The following NAALADL1 variants were observed in gnomAD, a reference collection of about 807,000 sequenced individuals.
The protein encoded by NAALADL1 is aminopeptidase NAALADL1.
Under a neutral mutation model 82.8 loss-of-function variants are expected in NAALADL1, and 77 were observed. The observed-to-expected ratio is 0.93, with a 90% CI of 0.77 to 1.12. The LOEUF is 1.12. Ranked by LOEUF, NAALADL1 falls within the 50% of genes most tolerant of loss-of-function variation. NAALADL1 has a pLI of 0.00. For synonymous variants in NAALADL1, 358 were observed against 399.2 expected, an observed-to-expected ratio of 0.90 and a Z score of 1.23; for missense variants, 956 against 964.0, an observed-to-expected ratio of 0.99 and a Z score of 0.11.
Position 65,054,292 on chromosome 11 carries a change from A to G in NAALADL1, c.950T>C (p.Leu317Ser). The change falls in exon 6 of 18, where the codon TTG becomes TCG. Residue 317 changes from leucine (L) to serine (S), a missense_variant. Leu to Ser is a moderately radical substitution (Grantham distance 145). Coordinates refer to ENST00000358658, the MANE Select transcript of NAALADL1 (RefSeq NM_005468.3). The surrounding 1 kb of genome is among the most constrained non-coding windows in gnomAD (Gnocchi z 4.3). ...TCCGTCAGGCCGGAAGCCGGGACCC[A>G]ACCTGTAGTGGCAGCCCAGTGCTCC... The part of the protein sequence containing the change: ...WQGALGCHYR[L>S]GPGFRPDGDF... 6.2e-7 allele frequency: 1 copy of G among 1,614,136 alleles called. No individual in the cohort carries two copies. Among genetic ancestry groups the G allele is most frequent in the Non-Finnish European group, 8.5e-7 (1 of 1,180,018 alleles).
chr11:65,051,315 C>CTTTTTTTTTTTTTTT lies in NAALADL1; in HGVS notation c.1198+1888_1198+1902dup, dbSNP rs10535126. 1.0e-4 allele frequency among the ~76,000 whole-genome samples: 6 copies of CTTTTTTTTTTTTTTT among 59,508 alleles called. 1 individual carries two copies. Among genetic ancestry groups the CTTTTTTTTTTTTTTT allele is most frequent in the African/African-American group, 3.9e-4 (6 of 15,546 alleles). The allele number at this position is 59,508 out of a possible 152,430, so 39.0% of individuals were successfully genotyped here. On this transcript the variant is annotated intron_variant, in intron 8 of 17. Transcript: ENST00000358658. ...AAGTCTCTCTCTCCTTTCTTTCTTT[C>CTTTTTTTTTTTTTTT]TTTTTTTTTTTTTTTTTTTTTTTTT...
At chr11:65,052,042 A>G (rs1301804579) in intron 8 of NAALADL1, among the ~76,000 whole-genome samples, 1 of 152,158 alleles carries the variant, frequency 6.6e-6, no homozygotes, top group Non-Finnish European at 1.5e-5. Context: ...AAACTAAAAC[A>G]AGAAATTAAT....
At position 65,045,826 on chromosome 11, in the gene NAALADL1, A is replaced by C. The variant is rs765261404; in HGVS notation, c.2032T>G (p.Tyr678Asp). The change falls in exon 17 of 18, where the codon TAC (tyrosine) becomes GAC (aspartate). Residue 678 changes from tyrosine to aspartate, a missense_variant. Tyr to Asp is a radical substitution (Grantham distance 160). Transcript: ENST00000358658. The stretch of plus-strand genomic sequence containing the variant: ...AGGACTCTGGGACAGACTCACCTGT[A>C]GTAGCGTTCCTCTGGGAAGGCTCTA... ...NPRAFPEERYYSHVLWAPRTG... is the reference protein window; with the variant it reads ...NPRAFPEERYDSHVLWAPRTG... 21 of 1,613,850 alleles carry C rather than the reference A, an allele frequency of 1.3e-5. No homozygotes were observed. Among genetic ancestry groups the C allele is most frequent in the Non-Finnish European group, 1.7e-5 (20 of 1,179,844 alleles).
Position 65,046,243 on chromosome 11 carries a change from G to A in NAALADL1, c.1801C>T (p.Gln601Ter). The A allele has an allele frequency of 6.2e-7, 1 of 1,614,120 alleles. No homozygotes were observed. Among genetic ancestry groups the A allele is most frequent in the Non-Finnish European group, 8.5e-7 (1 of 1,180,044 alleles). ...GCCCCAAGATCTTGCTGGGCTGCCT[G>A]CAGGAAGCTGCGGAGTGTCTCACTG... ...DYSETLRSFL[Q>*]AAQQDLGALL... The change falls in exon 15 of 18, where the codon CAG (glutamine) becomes TAG (stop). Residue 601 changes from glutamine (Q) to a stop codon, truncating the protein, a stop_gained. Transcript: ENST00000358658. LOFTEE classifies it high-confidence loss of function.
At chr11:65,045,487 T>C in intron 17 of NAALADL1, 30 bp from the exon 18 acceptor site, 1 of 1,566,416 alleles carries the variant, frequency 6.4e-7, no homozygotes, top group Non-Finnish European at 8.7e-7. Context: ...AGGATCAGGG[T>C]CAGTCAGTCA....
rs777899499 is a variant in NAALADL1, at chr11:65,046,199, G to C, written c.1845C>G (p.Ser615Arg). The change falls in exon 15 of 18, where the codon AGC becomes AGG. Residue 615 changes from serine (S) to arginine (R), a missense_variant. Ser to Arg is a moderately radical substitution (Grantham distance 110, BLOSUM62 -1). Transcript: ENST00000358658. ...CAGGGCTGTGCATACCCAGGCTGAT[G>C]CTGTGCTGCTCCAGCAGGGCCCCAA... ...QDLGALLEQH[S>R]ISLGPLVTAV... 5.6e-6 allele frequency: 9 copies of C among 1,614,014 alleles called. No homozygotes were observed. Among genetic ancestry groups the C allele is most frequent in the African/African-American group, 1.3e-5 (1 of 74,950 alleles).
intron 8 of NAALADL1, among the ~76,000 whole-genome samples, chr11:65,051,315 C>CTT (rs10535126): frequency 5.7e-4 from 34 of 59,568 alleles, no homozygotes; most frequent in African/African-American, 1.9e-3. Context: ...TTCTTTCTTT[C>CTT]TTTTTTTTTT....
chr11:65,048,961 G>A (rs1946815187), intron 8 of NAALADL1, among the ~76,000 whole-genome samples: 1 of 152,140 alleles, frequency 6.6e-6, no homozygotes, highest in Admixed American at 6.5e-5. Flanking sequence ...TGCCTCCCGG[G>A]TTCAGGCAGG....
rs1338049328 is a variant in NAALADL1, at chr11:65,053,660, TG to T, written c.993-85del. The T allele has an allele frequency of 7.9e-7, 1 of 1,263,664 alleles. No individual in the cohort carries two copies. The highest frequency in any genetic ancestry group is 1.5e-5 in the African/African-American group (1 of 66,260). The allele number at this position is 1,263,664 out of a possible 1,614,324, so 78.3% of individuals were successfully genotyped here. On this transcript the variant is annotated intron_variant, in intron 6 of 17. Transcript: ENST00000358658. This position sits in a 1 kb window ranked among gnomAD's most constrained non-coding sequence, Gnocchi z 4.3. ...TGCAGGAGACACTGAGGCCCGGAGCTGGAAAGTGACGTGGCAAGGCCATTCA... is the reference window on the plus strand; with the variant it reads ...TGCAGGAGACACTGAGGCCCGGAGCTGAAAGTGACGTGGCAAGGCCATTCA...
In NAALADL1 at chr11:65,046,003, C is replaced by T. The variant is rs189853858; in HGVS notation, c.1943+24G>A. 2.5e-5 allele frequency: 40 copies of T among 1,612,354 alleles called. No individual in the cohort carries two copies. The East Asian group carries it at 8.5e-4, about 34-fold the overall frequency. The stretch of plus-strand genomic sequence containing the variant: ...CCTGCCCTGGGTGCTGCCCTCCCAG[C>T]CCCTGCCCGCTGCCCTTGCTCACTC... On this transcript the variant is annotated intron_variant, in intron 16 of 17. Transcript: ENST00000358658.
Position 65,045,864 on chromosome 11 carries a change from G to T in NAALADL1, c.1994C>A (p.Thr665Asn), listed in dbSNP as rs971022864. The T allele has an allele frequency of 1.1e-5, 17 of 1,614,134 alleles. No individual in the cohort carries two copies. Among genetic ancestry groups the T allele is most frequent in the Middle Eastern group, 1.7e-4 (1 of 6,046 alleles). The change falls in exon 17 of 18, where the codon ACC becomes AAC. Residue 665 changes from threonine (T) to asparagine (N), a missense_variant. Transcript: ENST00000358658. ...LNDQLMLLER[T>N]FLNPRAFPEE... ...TGGGAAGGCTCTAGGGTTCAGAAAGGTCCGTTCCAAGAGCATCAACTGGTC... is the reference window on the plus strand; with the variant it reads ...TGGGAAGGCTCTAGGGTTCAGAAAGTTCCGTTCCAAGAGCATCAACTGGTC...
chr11:65,046,905 T>A (rs1946744925), intron 13 of NAALADL1, among the ~76,000 whole-genome samples: 1 of 152,176 alleles, frequency 6.6e-6, no homozygotes, highest in East Asian at 1.9e-4. Flanking sequence ...ACCCCTTGTC[T>A]TGTTTTTACC....
intron 8 of NAALADL1, among the ~76,000 whole-genome samples, chr11:65,052,981 G>A (rs565829958): frequency 1.4e-4 from 22 of 152,362 alleles, no homozygotes; most frequent in South Asian, 1.0e-3. Context: ...CAGCAGCATC[G>A]GGCCTTGCTC....
intron 3 of NAALADL1, 34 bp downstream of exon 3, chr11:65,057,841 T>TG (rs1427827037): frequency 1.2e-6 from 2 of 1,610,910 alleles, no homozygotes; most frequent in Non-Finnish European, 1.7e-6. Context: ...CCAAGGGAGC[T>TG]GGGCCAGAGC....
chr11:65,055,581 T>C (rs1947015189), intron 4 of NAALADL1, among the ~76,000 whole-genome samples: 1 of 152,174 alleles, frequency 6.6e-6, no homozygotes, highest in African/African-American at 2.4e-5. Flanking sequence ...TATCTTATAC[T>C]TTCACTTATG....
chr11:65,049,231 G>A (rs1215478853), intron 8 of NAALADL1, among the ~76,000 whole-genome samples: 1 of 152,142 alleles, frequency 6.6e-6, no homozygotes, highest in Admixed American at 6.5e-5. Flanking sequence ...ATGTTGCCCA[G>A]GCCAGTCTTG....
chr11:65,053,299 C>G lies in NAALADL1; in HGVS notation c.1117G>C (p.Val373Leu), dbSNP rs1476597226. Residue 373 changes from valine to leucine, a missense_variant, in exon 8 of 18, where the codon GTG becomes CTG. Transcript: ENST00000358658. This position sits in a 1 kb window ranked among gnomAD's most constrained non-coding sequence, Gnocchi z 4.3. ...VLYGNHRDSW[V>L]HGAVDPSSGT... ...CTGCTGGGGTCCACAGCCCCGTGCA[C>G]CCAGCTGTCTCGGTGGTTCCCATAC... 9 of 1,561,068 alleles carry G rather than the reference C, an allele frequency of 5.8e-6. 1 individual carries two copies. Among genetic ancestry groups the G allele is most frequent in the South Asian group, 1.2e-5 (1 of 84,596 alleles).
rs770679525 is a variant in NAALADL1, at chr11:65,054,719, T to G, written c.623A>C (p.His208Pro). 5 of 1,613,760 alleles carry G rather than the reference T, an allele frequency of 3.1e-6. No homozygotes were observed. The highest frequency in any genetic ancestry group is 4.2e-6 in the Non-Finnish European group (5 of 1,179,828). Residue 208 changes from histidine (H) to proline (P), a missense_variant, in exon 5 of 18, where the codon CAC (histidine) becomes CCC (proline). By Grantham distance (77) the His-to-Pro change is moderately conservative (BLOSUM62 -2). Coordinates refer to ENST00000358658, the MANE Select transcript of NAALADL1 (RefSeq NM_005468.3). The surrounding 1 kb of genome is among the most constrained non-coding windows in gnomAD (Gnocchi z 4.3). ...RGAKAVNAAK[H>P]GVAGVLVYTD... ...GTACACCAGCACCCCAGCTACCCCG[T>G]GCTTGGCAGCGTTCACAGCCTGCAG... is the stretch of plus-strand genomic sequence containing the variant.
At chr11:65,048,911 G>T (rs1946813427) in intron 8 of NAALADL1, among the ~76,000 whole-genome samples, 1 of 152,186 alleles carries the variant, frequency 6.6e-6, no homozygotes, top group Non-Finnish European at 1.5e-5. Flanking sequence ...CACACTGTGG[G>T]TATAGGGACT....
Sources: gnomAD v4.1 joint callset for allele counts (sites outside exome capture counted in the v4.1 genomes callset) on GRCh38, gnomAD v4.1.1 for gene constraint, Gnocchi (gnomAD v3.1) non-coding constraint, MANE v1.5 for transcripts, NCBI Gene and HGNC (gene_info 2026-07-23, HGNC 2026-07-21) for gene names.